DNM2: variants seen among roughly 807,000 people sequenced by gnomAD.
DNM2 encodes dynamin 2.
A neutral mutation model predicts 99.0 loss-of-function variants in DNM2; 15 were observed. The observed-to-expected ratio is 0.15, with a 90% confidence interval of 0.10 to 0.23. The LOEUF (loss-of-function observed/expected upper bound fraction) is 0.23. DNM2 is among the 10% of genes least tolerant of loss of function. The pLI, the probability that DNM2 is intolerant of heterozygous loss-of-function variation, is 1.00. For missense variants in DNM2, 742 were observed against 1,189.4 expected (o/e 0.62, Z 5.53); for synonymous variants, 525 against 481.2 (o/e 1.09, Z -1.19).
chr19:10,723,208 C>T (rs1354548666), intron 1 of DNM2, among the ~76,000 whole-genome samples: 2 of 150,406 alleles, frequency 1.3e-5, no homozygotes, highest in South Asian at 4.2e-4. Context: ...GATCTTGGCT[C>T]ACCGCAACCT....
At position 10,830,018 on chromosome 19, in the gene DNM2, G is replaced by C. The variant is rs995204233; in HGVS notation, c.2292-109G>C. ...GGGGTGGGAGGATCCCACTGCGCCT[G>C]CGCTGTCCCCATAGCCAGCCCCCAC... is the stretch of plus-strand genomic sequence containing the variant. On this transcript the variant is annotated intron_variant, in intron 19 of 20. Transcript: ENST00000389253. The surrounding 1 kb of genome is among the most constrained non-coding windows in gnomAD (Gnocchi z 4.8). 8 of 1,521,108 alleles carry C rather than the reference G, an allele frequency of 5.3e-6. No individual in the cohort carries two copies. Among genetic ancestry groups the C allele is most frequent in the Admixed American group, 3.3e-5 (2 of 59,804 alleles). The allele number at this position is 1,521,108 out of a possible 1,614,324, so 94.2% of individuals were successfully genotyped here.
At chr19:10,793,303 C>T (rs1419187395) in intron 7 of DNM2, among the ~76,000 whole-genome samples, 1 of 152,206 alleles carries the variant, frequency 6.6e-6, no homozygotes, top group Middle Eastern at 3.2e-3. Context: ...ATCGATGGGT[C>T]AGGACCAACC....
At chr19:10,801,124 G>A (rs1003119574) in intron 11 of DNM2, among the ~76,000 whole-genome samples, 5 of 151,070 alleles carry the variant, frequency 3.3e-5, no homozygotes, top group Admixed American at 1.3e-4. Context: ...TGGGCAACAC[G>A]GTGAAAACCC....
chr19:10,719,240 G>A (rs1039645206), intron 1 of DNM2, among the ~76,000 whole-genome samples: 1 of 152,154 alleles, frequency 6.6e-6, no homozygotes, highest in Non-Finnish European at 1.5e-5. Context: ...TGGTAGGAGG[G>A]TAGAGGGGAG....
chr19:10,820,138 C>T lies in DNM2; in HGVS notation c.1781+49C>T. The T allele has an allele frequency of 6.4e-7, 1 of 1,550,534 alleles. No individual in the cohort carries two copies. On this transcript the variant is annotated intron_variant, in intron 16 of 20. Coordinates refer to ENST00000389253, the MANE Select transcript of DNM2 (RefSeq NM_001005361.3). The surrounding 1 kb of genome is among the most constrained non-coding windows in gnomAD (Gnocchi z 4.3). ...ATGGCTCGGGGTGAAGACCAATGGC[C>T]TCATTCACACTCCACAACCTTCACT...
chr19:10,807,126 G>A (rs532192431), intron 13 of DNM2, among the ~76,000 whole-genome samples: 29 of 152,282 alleles, frequency 1.9e-4, no homozygotes, highest in South Asian at 1.9e-3. Flanking sequence ...GGGCTGCAGT[G>A]CAGTGGCGCA....
intron 2 of DNM2, among the ~76,000 whole-genome samples, chr19:10,771,311 T>G (rs1197240777): frequency 6.6e-6 from 1 of 152,248 alleles, no homozygotes; most frequent in Non-Finnish European, 1.5e-5. Context: ...TCTTGTTTCC[T>G]GGTGGGACCC....
In DNM2 at chr19:10,823,879, G is replaced by A. The variant is rs759242886; in HGVS notation, c.1873G>A (p.Val625Ile). The change falls in exon 17 of 21, where the codon GTC (valine) becomes ATC (isoleucine). Residue 625 changes from valine to isoleucine, a missense_variant. Val to Ile is a conservative substitution (Grantham distance 29, BLOSUM62 3). This residue lies in a region of DNM2 where 240 missense variants were observed against 431.3 expected (regional missense o/e 0.56). Coordinates refer to ENST00000389253, the MANE Select transcript of DNM2 (RefSeq NM_001005361.3). ...GAAGGCCTCGTTCCTCCGAGCTGGC[G>A]TCTACCCCGAGAAGGACCAGGTGAG... ...SWKASFLRAG[V>I]YPEKDQAENE... The A allele has an allele frequency of 1.9e-5, 30 of 1,613,574 alleles. No individual in the cohort carries two copies. In the African/African-American group the frequency reaches 2.4e-4, roughly 13 times the overall value.
intron 10 of DNM2, chr19:10,798,245 C>A (rs188137352): frequency 2.6e-5 from 15 of 568,598 alleles, no homozygotes; most frequent in African/African-American, 2.1e-4. Flanking sequence ...TGCCTCCTGC[C>A]CCCCGGTCAC....
Position 10,775,957 on chromosome 19 carries a change from G to A in DNM2, c.589+51G>A. The A allele has an allele frequency of 6.3e-7, 1 of 1,593,140 alleles. No homozygotes were observed. Among genetic ancestry groups the A allele is most frequent in the Non-Finnish European group, 8.5e-7 (1 of 1,174,462 alleles). ...CTCTTCCAGGTGCCTCTGAGCATGG[G>A]ATGTGCCCAGCATCCTTGGTTCCAA... On this transcript the variant is annotated intron_variant, in intron 4 of 20. Coordinates refer to ENST00000389253, the MANE Select transcript of DNM2 (RefSeq NM_001005361.3). The surrounding 1 kb of genome is among the most constrained non-coding windows in gnomAD (Gnocchi z 4.3).
chr19:10,759,571 C>T, intron 1 of DNM2, 167 bp from the exon 2 acceptor site: 1 of 793,912 alleles, frequency 1.3e-6, no homozygotes. Context: ...CTCTTCAGGC[C>T]TCAGGACCCT....
Position 10,818,863 on chromosome 19 carries a change from C to G in DNM2, c.1672-1117C>G, listed in dbSNP as rs1253715199. 2.0e-5 allele frequency among the ~76,000 whole-genome samples: 3 copies of G among 152,270 alleles called. No individual in the cohort carries two copies. The highest frequency in any genetic ancestry group is 1.5e-5 in the Non-Finnish European group (1 of 68,020). ...GTGGCTTGCGCTGCCTGCCGTGTGGCCTTCGGCAGCCAGCTTCCCTCTCTG... is the reference window on the plus strand; with the variant it reads ...GTGGCTTGCGCTGCCTGCCGTGTGGGCTTCGGCAGCCAGCTTCCCTCTCTG... On this transcript the variant is annotated intron_variant, in intron 15 of 20. Coordinates refer to ENST00000389253, the MANE Select transcript of DNM2 (RefSeq NM_001005361.3). This position sits in a 1 kb window ranked among gnomAD's most constrained non-coding sequence, Gnocchi z 4.3.
At chr19:10,777,311 A>G in intron 5 of DNM2, 95 bp downstream of exon 5, 1 of 1,157,826 alleles carries the variant, frequency 8.6e-7, no homozygotes, top group South Asian at 1.3e-5. Flanking sequence ...CCTGGAAGTC[A>G]TTGCTTCTCC....
chr19:10,752,970 A>C (rs2070251223), intron 1 of DNM2, among the ~76,000 whole-genome samples: 2 of 152,024 alleles, frequency 1.3e-5, no homozygotes. Context: ...AAACAAAAAA[A>C]CCAAAAAACT....
At chr19:10,813,773 C>G (rs1363453235) in intron 15 of DNM2, among the ~76,000 whole-genome samples, 1 of 150,286 alleles carries the variant, frequency 6.7e-6, no homozygotes, top group African/African-American at 2.5e-5. Context: ...CTGTGGTGAG[C>G]TATGATCACA....
intron 6 of DNM2, 169 bp from the exon 7 acceptor site, chr19:10,786,395 A>G: frequency 3.6e-6 from 4 of 1,118,170 alleles, no homozygotes; most frequent in East Asian, 5.0e-5. Context: ...GTTCCCAGAC[A>G]TGAGTGTGTC....
chr19:10,725,782 C>T (rs1254932403), intron 1 of DNM2, among the ~76,000 whole-genome samples: 1 of 152,098 alleles, frequency 6.6e-6, no homozygotes, highest in African/African-American at 2.4e-5. Flanking sequence ...TTTCTTTTCT[C>T]TTGCTCTGTC....
At chr19:10,752,186 C>T (rs1292074042) in intron 1 of DNM2, among the ~76,000 whole-genome samples, 1 of 152,024 alleles carries the variant, frequency 6.6e-6, no homozygotes, top group African/African-American at 2.4e-5. Flanking sequence ...GGTACTGTGG[C>T]GTGCCTGGGC....
rs60635213 is a variant in DNM2, at chr19:10,790,293, T to TTTTGTTTG, written c.993-3411_993-3404dup. On this transcript the variant is annotated intron_variant, in intron 7 of 20. Coordinates refer to ENST00000389253, the MANE Select transcript of DNM2 (RefSeq NM_001005361.3). ...GTGCCCATGGGGACACCCAGGGTTTTTTTGTTTGTTTGTTTGTTTGTTTTT... is the reference window on the plus strand; with the variant it reads ...GTGCCCATGGGGACACCCAGGGTTTTTTTGTTTGTTTGTTTGTTTGTTTGTTTGTTTTT... Among the ~76,000 whole-genome samples, 475 of 150,994 alleles carry TTTTGTTTG rather than the reference T, an allele frequency of 3.1e-3. 3 individuals are homozygous for TTTTGTTTG. Among genetic ancestry groups the TTTTGTTTG allele is most frequent in the African/African-American group, 9.5e-3 (392 of 41,098 alleles).
Sources: gnomAD v4.1 joint callset for allele counts (sites outside exome capture counted in the v4.1 genomes callset) on GRCh38, gnomAD v4.1.1 for gene constraint, gnomAD v4.1.1 regional missense constraint, Gnocchi (gnomAD v3.1) non-coding constraint, MANE v1.5 for transcripts, NCBI Gene and HGNC (gene_info 2026-07-23, HGNC 2026-07-21) for gene names.